The following TP53I13 variants were observed in gnomAD, a reference collection of about 807,000 sequenced individuals.
TP53I13 encodes tumor protein p53 inducible protein 13, also known as tumor protein p53-inducible protein 13.
TP53I13 carries 27 observed loss-of-function variants against 39.1 expected under a neutral mutation model. The ratio of observed to expected loss-of-function variants is 0.69; its 90% CI spans 0.51 to 0.95. The LOEUF (loss-of-function observed/expected upper bound fraction) is 0.95, where lower values mean the gene tolerates loss of function less well. Ranked by LOEUF, TP53I13 falls within the 40% of genes least tolerant of loss-of-function variation. The pLI is 0.00. For synonymous variants in TP53I13, 230 were observed against 224.6 expected (o/e 1.02, Z -0.22); for missense variants, 544 against 520.4 (o/e 1.05, Z -0.44).
At chr17:29,566,679 G>A, upstream of TP53I13, 1 of 1,595,264 alleles carries the variant, frequency 6.3e-7, no homozygotes. Context: ...AGGAGCGCGG[G>A]CCGGCCTCCA....
downstream of TP53I13, among the ~76,000 whole-genome samples, chr17:29,578,004 A>G (rs1202696860): frequency 6.6e-6 from 1 of 152,204 alleles, no homozygotes; most frequent in Non-Finnish European, 1.5e-5. Context: ...TGTGGCCAGG[A>G]AGGAGTGATG....
At chr17:29,567,130 C>T (rs2032739331), upstream of TP53I13, 2 of 375,958 alleles carry the variant, frequency 5.3e-6, no homozygotes, top group East Asian at 2.1e-4. This position sits in a 1 kb window ranked among gnomAD's most constrained non-coding sequence, Gnocchi z 6.6. Flanking sequence ...CCAGTTCGGG[C>T]CCGGCTGCCC....
the TP53I13 span, chr17:29,581,821 A>T: frequency 6.2e-7 from 1 of 1,609,978 alleles, no homozygotes; most frequent in East Asian, 2.2e-5. The surrounding 1 kb of genome is among the most constrained non-coding windows in gnomAD (Gnocchi z 4.8). Flanking sequence ...CCGCCAGCTC[A>T]TGGTGCCCCG....
At chr17:29,577,717 G>A (rs1460729271), downstream of TP53I13, 2 of 1,612,244 alleles carry the variant, frequency 1.2e-6, no homozygotes, top group African/African-American at 1.3e-5. Context: ...TCACCAGAGT[G>A]CTGTGGTTTT....
downstream of TP53I13, chr17:29,573,602 C>A (rs895754038): frequency 6.6e-6 from 1 of 152,582 alleles, no homozygotes; most frequent in African/African-American, 2.4e-5. Context: ...TGGGTCCCAC[C>A]GTCTGCCTCT....
At position 29,572,602 on chromosome 17, in the gene TP53I13, C is replaced by T; in HGVS notation, c.974C>T (p.Thr325Ile). 6.3e-7 allele frequency: 1 copy of T among 1,591,634 alleles called. No homozygotes were observed. Among genetic ancestry groups the T allele is most frequent in the Non-Finnish European group, 8.5e-7 (1 of 1,169,894 alleles). ...MALTFLLVLL[T>I]LATLCTRLHR... is the part of the protein sequence containing the mutation. ...CTGACCTTCCTGCTGGTGCTGCTCA[C>T]CCTGGCCACGCTCTGCACACGGCTG... The change falls in exon 6 of 7, where the codon ACC (threonine) becomes ATC (isoleucine). Residue 325 changes from threonine (T) to isoleucine (I), a missense_variant. Coordinates refer to ENST00000301057, the MANE Select transcript of TP53I13 (RefSeq NM_138349.4).
At chr17:29,576,731 AG>A, downstream of TP53I13, 2 of 1,605,156 alleles carry the variant, frequency 1.2e-6, no homozygotes, top group Non-Finnish European at 1.7e-6. Flanking sequence ...CAACACCCGC[AG>A]GGGGCAGTTA....
downstream of TP53I13, chr17:29,576,693 G>A (rs765163947): frequency 4.3e-6 from 7 of 1,613,326 alleles, no homozygotes; most frequent in African/African-American, 4.0e-5. Flanking sequence ...AGAGACCTAA[G>A]CTGGTCAGCA....
upstream of TP53I13, chr17:29,567,559 TAG>T (rs1345504428): frequency 6.6e-6 from 1 of 152,026 alleles, no homozygotes; most frequent in Admixed American, 6.6e-5. This position sits in a 1 kb window ranked among gnomAD's most constrained non-coding sequence, Gnocchi z 6.6. Context: ...GGCACTGGGC[TAG>T]AGAGGTCGAG....
chr17:29,577,848 G>A, downstream of TP53I13: 1 of 729,232 alleles, frequency 1.4e-6, no homozygotes. Flanking sequence ...CGCCTACTGA[G>A]CACTGGTGTT....
downstream of TP53I13, chr17:29,575,313 C>G: frequency 6.2e-7 from 1 of 1,612,974 alleles, no homozygotes; most frequent in East Asian, 2.2e-5. This position sits in a 1 kb window ranked among gnomAD's most constrained non-coding sequence, Gnocchi z 5.5. Context: ...TCCTGGGCTG[C>G]CCGCAACAGT....
chr17:29,578,888 C>G, the TP53I13 span: 1 of 1,569,856 alleles, frequency 6.4e-7, no homozygotes, highest in South Asian at 1.1e-5. Context: ...AGATGGCACC[C>G]CAGATGCTGC....
chr17:29,577,748 G>A, downstream of TP53I13: 1 of 1,583,824 alleles, frequency 6.3e-7, no homozygotes, highest in South Asian at 1.1e-5. Context: ...CCACACTGTA[G>A]GGGACGGACA....
chr17:29,581,739 C>T, the TP53I13 span: 1 of 1,607,930 alleles, frequency 6.2e-7, no homozygotes, highest in African/African-American at 1.3e-5. The surrounding 1 kb of genome is among the most constrained non-coding windows in gnomAD (Gnocchi z 4.8). Flanking sequence ...AAGCTCTGCT[C>T]ACCCGGCTTG....
At chr17:29,566,775 C>G (rs759500284), upstream of TP53I13, 4 of 1,515,362 alleles carry the variant, frequency 2.6e-6, no homozygotes, top group Non-Finnish European at 2.6e-6. Flanking sequence ...CCGGCAGTGG[C>G]TCGCGCCCGT....
downstream of TP53I13, chr17:29,576,377 C>A: frequency 1.2e-6 from 2 of 1,613,522 alleles, no homozygotes; most frequent in Non-Finnish European, 1.7e-6. Context: ...CGCCCGTTCA[C>A]TGGGGAGTGG....
At chr17:29,569,262 C>T in intron 2 of TP53I13, 56 bp from the exon 3 acceptor site, 1 of 1,555,324 alleles carries the variant, frequency 6.4e-7, no homozygotes. Context: ...CCCTCCCCAC[C>T]ACACACACAC....
chr17:29,581,310 T>C, the TP53I13 span: 1 of 1,589,696 alleles, frequency 6.3e-7, no homozygotes, highest in East Asian at 2.2e-5. This position sits in a 1 kb window ranked among gnomAD's most constrained non-coding sequence, Gnocchi z 4.8. Flanking sequence ...CAACAGCCTC[T>C]GGAAAGGGGC....
chr17:29,574,640 A>T (rs1402957859), downstream of TP53I13: 1 of 1,297,194 alleles, frequency 7.7e-7, no homozygotes. Flanking sequence ...TAATGTCTGG[A>T]GTGGCCCAGC....
Sources: allele counts gnomAD v4.1 joint callset (sites outside exome capture counted in the v4.1 genomes callset), GRCh38; gene constraint gnomAD v4.1.1; non-coding constraint Gnocchi (gnomAD v3.1); transcripts MANE v1.5; gene names NCBI Gene and HGNC (gene_info 2026-07-23, HGNC 2026-07-21).